The following FCHSD2 variants were observed in gnomAD, a reference collection of about 807,000 sequenced individuals.
The protein encoded by FCHSD2 is F-BAR and double SH3 domains protein 2.
In FCHSD2, 38 loss-of-function variants were observed where a neutral mutation model predicts 108.1. The ratio of observed to expected loss-of-function variants is 0.35; its 90% CI spans 0.27 to 0.46. The LOEUF is 0.46. Ranked by LOEUF, FCHSD2 falls within the 20% of genes least tolerant of loss-of-function variation. FCHSD2 has a pLI of 1.00. For synonymous variants in FCHSD2, 279 were observed against 314.7 expected (o/e 0.89, Z 1.20); for missense variants, 751 against 897.8 (o/e 0.84, Z 2.09).
At chr11:72,925,373 A>T (rs541127576) in intron 8 of FCHSD2, among the ~76,000 whole-genome samples, 24 of 152,292 alleles carry the variant, frequency 1.6e-4, no homozygotes, top group Non-Finnish European at 1.0e-4. Flanking sequence ...CTACTTTAAA[A>T]ATTCCAGCTG....
chr11:72,962,205 T>C (rs900898695), intron 8 of FCHSD2, among the ~76,000 whole-genome samples: 5 of 152,178 alleles, frequency 3.3e-5, no homozygotes, highest in Non-Finnish European at 5.9e-5. Flanking sequence ...ATTTTTATAA[T>C]ACTAAGACAT....
chr11:72,882,390 T>C (rs1255251870), intron 12 of FCHSD2, among the ~76,000 whole-genome samples: 1 of 151,854 alleles, frequency 6.6e-6, no homozygotes, highest in Non-Finnish European at 1.5e-5. Flanking sequence ...GAATGATGGT[T>C]ATCAGAAGCT....
Position 73,032,512 on chromosome 11 carries a change from CACCA to C in FCHSD2, c.166-16631_166-16628del, listed in dbSNP as rs1858385169. On this transcript the variant is annotated intron_variant, in intron 3 of 19. Transcript: ENST00000409418. ...AGGTGCTAGGATTACAGGTGTGAGC[CACCA>C]TGCTTGGCCTATTTCTATCACTTAA... Among the ~76,000 whole-genome samples the C allele has an allele frequency of 5.9e-5, 9 of 151,962 alleles. 1 individual carries two copies. In the South Asian group the frequency reaches 1.5e-3, roughly 25 times the overall value.
chr11:72,857,435 C>T (rs1861453695), intron 13 of FCHSD2, among the ~76,000 whole-genome samples: 1 of 82,288 alleles, frequency 1.2e-5, no homozygotes. Context: ...ATGCTTACTC[C>T]TTTTTTTTTT....
At chr11:72,971,929 G>C (rs1212113340) in intron 8 of FCHSD2, among the ~76,000 whole-genome samples, 1 of 152,106 alleles carries the variant, frequency 6.6e-6, no homozygotes, top group Non-Finnish European at 1.5e-5. Context: ...TGGGAGGATA[G>C]AAATATTCTA....
chr11:72,945,650 T>A (rs886701231), intron 8 of FCHSD2, among the ~76,000 whole-genome samples: 1 of 152,220 alleles, frequency 6.6e-6, no homozygotes, highest in Non-Finnish European at 1.5e-5. Context: ...AATCTACTCA[T>A]CTGACAAAGG....
intron 2 of FCHSD2, among the ~76,000 whole-genome samples, chr11:73,132,803 T>C (rs1861032815): frequency 7.8e-6 from 1 of 128,024 alleles, no homozygotes; most frequent in Admixed American, 9.6e-5. Flanking sequence ...CCAGTCTGGG[T>C]GACAGAATGA....
At chr11:72,942,338 T>C (rs1467381461) in intron 8 of FCHSD2, among the ~76,000 whole-genome samples, 1 of 152,258 alleles carries the variant, frequency 6.6e-6, no homozygotes, top group Non-Finnish European at 1.5e-5. Flanking sequence ...GCATGCTCCC[T>C]GTACAGTCTG....
chr11:72,915,471 C>T (rs1370231840), intron 9 of FCHSD2, among the ~76,000 whole-genome samples: 2 of 152,156 alleles, frequency 1.3e-5, no homozygotes, highest in African/African-American at 4.8e-5. Context: ...GCACCATTCA[C>T]AATAGCAGAG....
Position 73,124,640 on chromosome 11 carries a change from C to G in FCHSD2, c.119+15391G>C, listed in dbSNP as rs150168360. Among the ~76,000 whole-genome samples, 712 of 152,102 alleles carry G rather than the reference C, an allele frequency of 4.7e-3. 4 individuals are homozygous for G. The highest frequency in any genetic ancestry group is 0.017 in the African/African-American group (690 of 41,468). On this transcript the variant is annotated intron_variant, in intron 2 of 19. Transcript: ENST00000409418. ...GCATGATGGCGTGTGCCTCTAATCCCAGCTACTCAGGAGGCTGAGGCAGGA... is the reference window on the plus strand; with the variant it reads ...GCATGATGGCGTGTGCCTCTAATCCGAGCTACTCAGGAGGCTGAGGCAGGA...
chr11:72,848,339 T>C (rs77757462), intron 14 of FCHSD2, among the ~76,000 whole-genome samples: 3,754 of 152,296 alleles, frequency 0.025, 149 homozygotes, highest in African/African-American at 0.087. Flanking sequence ...CATCACACTC[T>C]GTCTCTATAC....
At chr11:73,126,787 C>G (rs560621840) in intron 2 of FCHSD2, among the ~76,000 whole-genome samples, 134 of 152,264 alleles carry the variant, frequency 8.8e-4, no homozygotes, top group African/African-American at 3.2e-3. Context: ...TCTGTAATCC[C>G]AGCACTTTGG....
intron 3 of FCHSD2, among the ~76,000 whole-genome samples, chr11:73,067,210 C>G (rs373949284): frequency 1.3e-4 from 20 of 152,226 alleles, no homozygotes; most frequent in African/African-American, 4.3e-4. Flanking sequence ...TGGAAACCAT[C>G]ATTCTCAGCA....
chr11:72,864,934 T>C (rs1379825707), intron 13 of FCHSD2, among the ~76,000 whole-genome samples: 2 of 152,168 alleles, frequency 1.3e-5, no homozygotes, highest in Non-Finnish European at 2.9e-5. Flanking sequence ...CTGTTCTCCT[T>C]TAAAAACAAC....
chr11:72,981,812 C>T (rs989784187), intron 8 of FCHSD2, among the ~76,000 whole-genome samples: 2 of 152,030 alleles, frequency 1.3e-5, no homozygotes, highest in African/African-American at 4.8e-5. Context: ...CACGCCTCTG[C>T]GAAAATAAAA....
At position 73,142,055 on chromosome 11, in the gene FCHSD2, G is replaced by A. The variant is rs996577138; in HGVS notation, c.-178C>T. The A allele has an allele frequency of 3.4e-6, 2 of 594,802 alleles. No homozygotes were observed. The highest frequency in any genetic ancestry group is 3.1e-5 in the East Asian group (1 of 31,886). 36.8% of individuals were successfully genotyped at this position (594,802 alleles called of 1,614,324 possible). The stretch of plus-strand genomic sequence containing the variant: ...GCGGGCGGCAGGCGGACCCCAGCCA[G>A]AGAGCGAGTGTGAGGAGACGAGGGA... On this transcript the variant is annotated 5_prime_UTR_variant, in exon 1 of 20. Coordinates refer to ENST00000409418, the MANE Select transcript of FCHSD2 (RefSeq NM_014824.3).
chr11:73,086,910 G>T (rs1040966366), intron 2 of FCHSD2, among the ~76,000 whole-genome samples: 6 of 152,174 alleles, frequency 3.9e-5, no homozygotes, highest in African/African-American at 1.4e-4. Flanking sequence ...GCTACAATAT[G>T]GATGAACCTT....
intron 8 of FCHSD2, among the ~76,000 whole-genome samples, chr11:72,957,140 G>C (rs957951778): frequency 6.7e-6 from 1 of 148,932 alleles, no homozygotes; most frequent in Non-Finnish European, 1.5e-5. Context: ...CCACTAACTC[G>C]TCAGCTAGCA....
intron 13 of FCHSD2, among the ~76,000 whole-genome samples, chr11:72,856,918 G>C (rs1399253287): frequency 1.3e-5 from 2 of 151,998 alleles, no homozygotes; most frequent in African/African-American, 4.8e-5. Context: ...AAAGTTTACA[G>C]GCATTTAAAA....
Sources: allele counts gnomAD v4.1 joint callset (sites outside exome capture counted in the v4.1 genomes callset), GRCh38; gene constraint gnomAD v4.1.1; transcripts MANE v1.5; gene names NCBI Gene and HGNC (gene_info 2026-07-23, HGNC 2026-07-21).